The following PNLDC1 variants were observed in gnomAD, a reference collection of about 807,000 sequenced individuals.
The protein encoded by PNLDC1 is PARN like ribonuclease domain containing exonuclease 1.
Under a neutral mutation model 82.0 loss-of-function variants are expected in PNLDC1, and 70 were observed. That is an observed-to-expected ratio of 0.85 (90% CI 0.70 to 1.04). The LOEUF is 1.04. PNLDC1 is among the 50% of genes least tolerant of loss of function. PNLDC1 has a pLI of 0.00. For synonymous variants in PNLDC1, 280 were observed against 249.3 expected (o/e 1.12, Z -1.16); for missense variants, 631 against 661.1 (o/e 0.95, Z 0.50).
At chr6:159,809,284 T>C (rs1781565364) in intron 9 of PNLDC1, 126 bp downstream of exon 9, 1 of 1,280,304 alleles carries the variant, frequency 7.8e-7, no homozygotes, top group Non-Finnish European at 1.1e-6. Context: ...TCATGAATTT[T>C]TTCATGTTTT....
intron 12 of PNLDC1, among the ~76,000 whole-genome samples, chr6:159,814,644 A>G (rs1474039890): frequency 1.3e-5 from 2 of 152,206 alleles, no homozygotes; most frequent in Non-Finnish European, 2.9e-5. Context: ...ATGAGAGGGC[A>G]AAGCGGGGAG....
At chr6:159,800,906 AT>A in intron 2 of PNLDC1, 77 bp downstream of exon 2, 1 of 1,600,024 alleles carries the variant, frequency 6.2e-7, no homozygotes, top group African/African-American at 1.3e-5. Flanking sequence ...GCCTGTTGGC[AT>A]TTGGGGGGCA....
At chr6:159,800,090 T>C (rs146398208), upstream of PNLDC1, among the ~76,000 whole-genome samples, 8 of 152,298 alleles carry the variant, frequency 5.3e-5, no homozygotes, top group East Asian at 1.4e-3. Flanking sequence ...TTGATTGCAA[T>C]TGCAATCAAA....
Position 159,819,310 on chromosome 6 carries a change from A to G in PNLDC1, c.1490A>G (p.Tyr497Cys). ...CACCCGACCCTGTGCATCTCCCTGT[A>G]CCGCTACTGGAGGCACTCCCCAAAC... ...RDHPTLCISLYRYWRHSPNVN... is the reference protein window; with the variant it reads ...RDHPTLCISLCRYWRHSPNVN... The change falls in exon 18 of 19, where the codon TAC (tyrosine) becomes TGC (cysteine). Residue 497 changes from tyrosine (Y) to cysteine (C), a missense_variant. By Grantham distance (194) the Tyr-to-Cys change is radical. Transcript: ENST00000392167. This position sits in a 1 kb window ranked among gnomAD's most constrained non-coding sequence, Gnocchi z 4.6. 2.5e-6 allele frequency: 4 copies of G among 1,613,866 alleles called. No individual in the cohort carries two copies. Among genetic ancestry groups the G allele is most frequent in the Non-Finnish European group, 3.4e-6 (4 of 1,179,998 alleles).
At position 159,801,204 on chromosome 6, in the gene PNLDC1, T is replaced by TGTTA; in HGVS notation, c.208+20_208+23dup. Reference sequence around the variant, plus strand: ...TCAGATTGGTGAGTTTAATATCAGCTGTTAGAGTTTTTCAAGAAGGTATTT... The same window carrying TGTTA: ...TCAGATTGGTGAGTTTAATATCAGCTGTTAGTTAGAGTTTTTCAAGAAGGTATTT... On this transcript the variant is annotated intron_variant, in intron 3 of 18. Transcript: ENST00000392167. 1 of 1,606,444 alleles carries TGTTA rather than the reference T, an allele frequency of 6.2e-7. No homozygotes were observed. The highest frequency in any genetic ancestry group is 8.5e-7 in the Non-Finnish European group (1 of 1,172,930).
chr6:159,805,857 G>C, intron 6 of PNLDC1, 126 bp from the exon 7 acceptor site: 1 of 699,132 alleles, frequency 1.4e-6, no homozygotes, highest in Non-Finnish European at 2.6e-6. Flanking sequence ...TCTTCTTTTG[G>C]TACATTTTCT....
Position 159,800,393 on chromosome 6 carries a change from C to A in PNLDC1, c.76+10C>A. 6.5e-7 allele frequency: 1 copy of A among 1,547,482 alleles called. No homozygotes were observed. Among genetic ancestry groups the A allele is most frequent in the Non-Finnish European group, 8.7e-7 (1 of 1,146,014 alleles). On this transcript the variant is annotated intron_variant, in intron 1 of 18. Transcript: ENST00000392167. ...GAGGCCGACTTCGTGGGTGAAGAGC[C>A]TGGGATTCGCGGCTGTGCCGGACAG...
In PNLDC1 at chr6:159,808,996, A is replaced by G; in HGVS notation, c.640-19A>G. ...TTCCTAGTAACCCAGGATTCAGGGA[A>G]TTTGTCCCTGCTTTTCAGGTGGTAG... On this transcript the variant is annotated intron_variant, in intron 8 of 18. Coordinates refer to ENST00000392167, the MANE Select transcript of PNLDC1 (RefSeq NM_001271862.2). 1 of 1,610,056 alleles carries G rather than the reference A, an allele frequency of 6.2e-7. No individual in the cohort carries two copies. Among genetic ancestry groups the G allele is most frequent in the South Asian group, 1.1e-5 (1 of 90,492 alleles).
chr6:159,801,903 T>C (rs570833096), intron 3 of PNLDC1, among the ~76,000 whole-genome samples: 30 of 152,260 alleles, frequency 2.0e-4, no homozygotes, highest in Admixed American at 1.7e-3. Context: ...TAGTTTATTT[T>C]CTGAGATGGA....
At chr6:159,812,091 G>A (rs1385484385) in intron 11 of PNLDC1, among the ~76,000 whole-genome samples, 1 of 151,938 alleles carries the variant, frequency 6.6e-6, no homozygotes, top group South Asian at 2.1e-4. Context: ...TAGTAAAGAC[G>A]GGGTTTCACC....
At chr6:159,802,730 G>A (rs1296138529) in intron 3 of PNLDC1, among the ~76,000 whole-genome samples, 6 of 151,958 alleles carry the variant, frequency 3.9e-5, no homozygotes, top group Admixed American at 6.6e-5. Context: ...TTACAGGTGC[G>A]CGCCACCACA....
chr6:159,800,094 A>C (rs1295091344), upstream of PNLDC1, among the ~76,000 whole-genome samples: 1 of 152,242 alleles, frequency 6.6e-6, no homozygotes, highest in African/African-American at 2.4e-5. Context: ...TTGCAATTGC[A>C]ATCAAACCTC....
intron 16 of PNLDC1, 116 bp downstream of exon 16, chr6:159,818,770 G>C: frequency 8.1e-7 from 1 of 1,232,106 alleles, no homozygotes. Flanking sequence ...TGAGATGAGA[G>C]CTGGGTTTTT....
intron 1 of PNLDC1, 104 bp from the exon 2 acceptor site, chr6:159,800,668 C>T: frequency 2.5e-6 from 4 of 1,612,876 alleles, no homozygotes; most frequent in South Asian, 1.1e-5. Flanking sequence ...GCTTCTTGAG[C>T]GCAGAGGTGA....
chr6:159,814,986 T>C (rs759166375), intron 12 of PNLDC1, among the ~76,000 whole-genome samples: 7 of 152,086 alleles, frequency 4.6e-5, no homozygotes, highest in Non-Finnish European at 8.8e-5. Context: ...ATGGGGACAT[T>C]AGGGGTCAGG....
At chr6:159,809,879 A>T in intron 9 of PNLDC1, 147 bp from the exon 10 acceptor site, 1 of 655,646 alleles carries the variant, frequency 1.5e-6, no homozygotes, top group Non-Finnish European at 2.7e-6. Context: ...TACCTTTCAC[A>T]GAGGCAAAGG....
At chr6:159,804,788 C>T (rs986893024) in intron 6 of PNLDC1, 151 bp downstream of exon 6, 5 of 601,628 alleles carry the variant, frequency 8.3e-6, no homozygotes, top group African/African-American at 3.7e-5. Context: ...GCGCTGCTCT[C>T]CCTGTGCCCC....
At chr6:159,801,022 C>A in intron 2 of PNLDC1, 91 bp from the exon 3 acceptor site, 1 of 1,504,026 alleles carries the variant, frequency 6.6e-7, no homozygotes. Context: ...AAAAAATCCT[C>A]CCCGGTTGCG....
rs778909851 is a variant in PNLDC1 at position 159,819,256 on chromosome 6, C to T, written c.1436C>T (p.Ala479Val). Residue 479 changes from alanine to valine, a missense_variant and splice_region_variant, in exon 18 of 19, where the codon GCG becomes GTG. Physicochemically the swap from Ala to Val is moderately conservative, Grantham distance 64. Transcript: ENST00000392167. This position sits in a 1 kb window ranked among gnomAD's most constrained non-coding sequence, Gnocchi z 4.6. ...FLLLTNKFKDARNILKEYRDH... is the reference protein window; with the variant it reads ...FLLLTNKFKDVRNILKEYRDH... Reference sequence around the variant, plus strand: ...CCACAGCAAACTTGTTTTGGCAGTGCGCGGAACATCCTGAAGGAGTACCGG... The same window carrying T: ...CCACAGCAAACTTGTTTTGGCAGTGTGCGGAACATCCTGAAGGAGTACCGG... 46 of 1,613,628 alleles carry T rather than the reference C, an allele frequency of 2.9e-5. No individual in the cohort carries two copies. The highest frequency in any genetic ancestry group is 2.0e-4 in the Admixed American group (12 of 59,992).
Sources: allele counts gnomAD v4.1 joint callset (sites outside exome capture counted in the v4.1 genomes callset), GRCh38; gene constraint gnomAD v4.1.1; non-coding constraint Gnocchi (gnomAD v3.1); transcripts MANE v1.5; gene names NCBI Gene and HGNC (gene_info 2026-07-23, HGNC 2026-07-21).